Variants in TENM2 observed in about 807,000 individuals in gnomAD.
TENM2 encodes teneurin transmembrane protein 2.
A neutral mutation model predicts 245.2 loss-of-function variants in TENM2; 52 were observed. The observed-to-expected ratio is 0.21, with a 90% CI of 0.17 to 0.27. The LOEUF is 0.27. Ranked by LOEUF, TENM2 falls within the 10% of genes least tolerant of loss-of-function variation. TENM2 has a pLI of 1.00. For synonymous variants in TENM2, 1,363 were observed against 1,438.9 expected (o/e 0.95, Z 1.19); for missense variants, 3,046 against 3,666.8 (o/e 0.83, Z 4.37).
intron 5 of TENM2, among the ~76,000 whole-genome samples, chr5:167,997,494 G>C (rs1784141594): frequency 6.6e-6 from 1 of 152,130 alleles, no homozygotes; most frequent in Admixed American, 6.5e-5. Flanking sequence ...TGTTATAGAG[G>C]TCAGCAAACA....
intron 5 of TENM2, among the ~76,000 whole-genome samples, chr5:168,017,125 G>A (rs912284419): frequency 1.3e-5 from 2 of 152,138 alleles, no homozygotes; most frequent in Non-Finnish European, 2.9e-5. Context: ...GTCAGCTAGA[G>A]GGACCACTCA....
chr5:168,231,276 T>C (rs1223312897), intron 25 of TENM2, among the ~76,000 whole-genome samples: 2 of 152,228 alleles, frequency 1.3e-5, no homozygotes, highest in Non-Finnish European at 2.9e-5. Flanking sequence ...GTCTCCCGTT[T>C]GACAAGAGAT....
the TENM2 span, among the ~76,000 whole-genome samples, chr5:167,058,294 T>G: frequency 6.6e-6 from 1 of 152,164 alleles, no homozygotes; most frequent in African/African-American, 2.4e-5. Flanking sequence ...AAATAATTGT[T>G]GATTGACCAA....
chr5:167,004,835 T>G, the TENM2 span, among the ~76,000 whole-genome samples: 1 of 152,164 alleles, frequency 6.6e-6, no homozygotes, highest in Non-Finnish European at 1.5e-5. Flanking sequence ...AGCGTGCTTG[T>G]GCAAGAAGGA....
At chr5:167,555,875 C>G (rs757007899) in intron 2 of TENM2, among the ~76,000 whole-genome samples, 2 of 151,918 alleles carry the variant, frequency 1.3e-5, no homozygotes, top group Non-Finnish European at 2.9e-5. Flanking sequence ...TTCCATAAGG[C>G]GACAAAGAAA....
chr5:167,852,843 G>T (rs62382859), intron 2 of TENM2, among the ~76,000 whole-genome samples: 5,701 of 152,240 alleles, frequency 0.037, 171 homozygotes, highest in Middle Eastern at 0.14. Flanking sequence ...TTAATAGTGG[G>T]TGTCATTATG....
At chr5:168,076,418 G>A (rs1413479723) in intron 7 of TENM2, among the ~76,000 whole-genome samples, 3 of 151,880 alleles carry the variant, frequency 2.0e-5, no homozygotes, top group Non-Finnish European at 4.4e-5. Flanking sequence ...CAGAGACGGG[G>A]TTTCACAATG....
intron 3 of TENM2, among the ~76,000 whole-genome samples, chr5:167,886,253 T>G (rs1352692762): frequency 6.6e-6 from 1 of 152,150 alleles, no homozygotes. Flanking sequence ...CCAAAGAAAC[T>G]GGTCTCCAGA....
the TENM2 span, among the ~76,000 whole-genome samples, chr5:167,130,095 T>C: frequency 6.6e-6 from 1 of 152,192 alleles, no homozygotes; most frequent in Non-Finnish European, 1.5e-5. Context: ...TGTATATTGC[T>C]ATAGGCATTT....
intron 2 of TENM2, among the ~76,000 whole-genome samples, chr5:167,832,513 A>G (rs943118910): frequency 6.6e-6 from 1 of 152,248 alleles, no homozygotes; most frequent in Non-Finnish European, 1.5e-5. Flanking sequence ...GTTGCAGAGC[A>G]AACTGCACGA....
intron 13 of TENM2, among the ~76,000 whole-genome samples, chr5:168,178,244 GC>G (rs905839482): frequency 2.0e-5 from 3 of 152,218 alleles, no homozygotes; most frequent in African/African-American, 7.2e-5. Context: ...GCCACCCCCT[GC>G]CGGGCCTCGG....
At chr5:167,040,579 C>T in the TENM2 span, among the ~76,000 whole-genome samples, 41 of 152,082 alleles carry the variant, frequency 2.7e-4, no homozygotes, top group African/African-American at 9.9e-4. Context: ...AATACCTATT[C>T]GTCACTTATG....
At chr5:167,113,320 T>C in the TENM2 span, among the ~76,000 whole-genome samples, 1 of 152,142 alleles carries the variant, frequency 6.6e-6, no homozygotes, top group Non-Finnish European at 1.5e-5. Context: ...TGGATTGCCC[T>C]GAAGGCTTAG....
At chr5:167,727,333 C>T (rs970544257) in intron 2 of TENM2, among the ~76,000 whole-genome samples, 3 of 151,964 alleles carry the variant, frequency 2.0e-5, no homozygotes, top group Admixed American at 1.3e-4. Flanking sequence ...AGGATGGTCT[C>T]GATCCCCTGA....
upstream of TENM2, among the ~76,000 whole-genome samples, chr5:167,283,593 A>G (rs1009373278): frequency 6.6e-5 from 10 of 152,212 alleles, 1 homozygote; most frequent in African/African-American, 2.2e-4. Flanking sequence ...GTTCAAAACT[A>G]TAGATCTGCT....
rs1040518562 is a variant in TENM2 at position 167,891,837 on chromosome 5, G to A, written c.712+15642G>A. 3.3e-5 allele frequency among the ~76,000 whole-genome samples: 5 copies of A among 152,254 alleles called. No homozygotes were observed. The South Asian group carries it at 6.2e-4, about 19-fold the overall frequency. On this transcript the variant is annotated intron_variant, in intron 3 of 28. Transcript: ENST00000518659. The stretch of plus-strand genomic sequence containing the variant: ...TCCTTCTGGCATTCTGTTTGACACT[G>A]ATGAGTTCTGAGACCTTGCTGGCCT...
the TENM2 span, among the ~76,000 whole-genome samples, chr5:167,125,472 AG>A: frequency 1.3e-5 from 2 of 152,214 alleles, no homozygotes; most frequent in African/African-American, 4.8e-5. Flanking sequence ...GTAGGTGCCA[AG>A]AGGAGACCCT....
intron 2 of TENM2, among the ~76,000 whole-genome samples, chr5:167,698,679 G>GTTTTTTTTTTTTTTTT (rs1225922111): frequency 1.8e-4 from 18 of 97,756 alleles, no homozygotes; most frequent in African/African-American, 3.4e-4. Context: ...TTTGTTTTTT[G>GTTTTTTTTTTTTTTTT]TTTTTTTTTT....
intron 2 of TENM2, among the ~76,000 whole-genome samples, chr5:167,502,971 A>C (rs543295152): frequency 1.9e-3 from 283 of 152,300 alleles, no homozygotes; most frequent in African/African-American, 6.5e-3. Context: ...CTGCGACTAC[A>C]GGCGCACGCC....
Sources: allele counts gnomAD v4.1 joint callset (sites outside exome capture counted in the v4.1 genomes callset), GRCh38; gene constraint gnomAD v4.1.1; transcripts MANE v1.5; gene names NCBI Gene and HGNC (gene_info 2026-07-23, HGNC 2026-07-21).